Variants in CERS6 observed in about 807,000 individuals in gnomAD.
CERS6 encodes the protein ceramide synthase 6.
CERS6 carries 26 observed loss-of-function variants against 56.8 expected under a neutral mutation model. The ratio of observed to expected loss-of-function variants is 0.46; its 90% CI spans 0.34 to 0.63. The LOEUF (loss-of-function observed/expected upper bound fraction) is 0.63, where lower values mean the gene tolerates loss of function less well. Among genes scored for constraint, CERS6 ranks in the 30% least tolerant of loss-of-function variants. The pLI, the probability that CERS6 is intolerant of heterozygous loss-of-function variation, is 0.01. For missense variants in CERS6, 415 were observed against 467.5 expected (o/e 0.89, Z 1.04); for synonymous variants, 164 against 173.3 (o/e 0.95, Z 0.42).
intron 4 of CERS6, among the ~76,000 whole-genome samples, chr2:168,681,599 G>A (rs1422235148): frequency 2.6e-5 from 4 of 152,118 alleles, no homozygotes; most frequent in Non-Finnish European, 5.9e-5. Flanking sequence ...AGGGTAATTA[G>A]CCATCTATCA....
At chr2:168,609,494 C>T (rs772141358) in intron 3 of CERS6, among the ~76,000 whole-genome samples, 7 of 152,102 alleles carry the variant, frequency 4.6e-5, no homozygotes, top group African/African-American at 1.7e-4. Context: ...AGAATCTTTT[C>T]GCTCCAAGTC....
intron 3 of CERS6, among the ~76,000 whole-genome samples, chr2:168,573,283 C>T (rs775293970): frequency 2.0e-5 from 3 of 152,164 alleles, no homozygotes; most frequent in Non-Finnish European, 4.4e-5. Flanking sequence ...ACAGGAGCAT[C>T]TAGCTTTCCC....
At chr2:168,552,058 A>G (rs1695582562) in intron 2 of CERS6, among the ~76,000 whole-genome samples, 1 of 152,130 alleles carries the variant, frequency 6.6e-6, no homozygotes, top group Admixed American at 6.5e-5. Flanking sequence ...AATAAAATTA[A>G]CTTTTGGTAT....
At chr2:168,715,932 T>C (rs1206304689) in intron 7 of CERS6, among the ~76,000 whole-genome samples, 1 of 152,128 alleles carries the variant, frequency 6.6e-6, no homozygotes, top group Non-Finnish European at 1.5e-5. Context: ...CTGATTTTTT[T>C]TTCCTTTAGG....
intron 8 of CERS6, among the ~76,000 whole-genome samples, chr2:168,725,097 C>T (rs1244189179): frequency 6.6e-6 from 1 of 152,238 alleles, no homozygotes; most frequent in Admixed American, 6.5e-5. Context: ...AGTGGGCTGG[C>T]ACTGCTGGGA....
chr2:168,774,797 C>T lies in CERS6; in HGVS notation c.*5135C>T, dbSNP rs1684960755. 4 of 152,156 alleles carry T rather than the reference C, an allele frequency of 2.6e-5. No homozygotes were observed. The highest frequency in any genetic ancestry group is 2.6e-4 in the Admixed American group (4 of 15,280). The allele number at this position is 152,156 out of a possible 1,614,324, so 9.4% of individuals were successfully genotyped here. On this transcript the variant is annotated 3_prime_UTR_variant, in exon 10 of 10. Transcript: ENST00000305747. ...CCCCTAAGCTCATGATTTTCATCAA[C>T]TCTTTGCCCACATAGTCATTTACCT...
At chr2:168,549,589 C>G (rs1423789180) in intron 2 of CERS6, among the ~76,000 whole-genome samples, 1 of 152,180 alleles carries the variant, frequency 6.6e-6, no homozygotes, top group African/African-American at 2.4e-5. Context: ...GAGCAGAGAT[C>G]ACGCCACTGC....
At chr2:168,746,238 C>G (rs7584527) in intron 8 of CERS6, among the ~76,000 whole-genome samples, 111,489 of 152,164 alleles carry the variant, frequency 0.73, 41,438 homozygotes, top group African/African-American at 0.83. Context: ...TTAGCAACCT[C>G]ACTTATAGCC....
chr2:168,511,972 A>T (rs1574033706), intron 1 of CERS6, among the ~76,000 whole-genome samples: 1 of 152,168 alleles, frequency 6.6e-6, no homozygotes, highest in African/African-American at 2.4e-5. Flanking sequence ...ACACACACAC[A>T]CACACACAGG....
At chr2:168,500,653 A>T (rs1400506384) in intron 1 of CERS6, among the ~76,000 whole-genome samples, 1 of 152,214 alleles carries the variant, frequency 6.6e-6, no homozygotes. Context: ...GGAAACAAAC[A>T]TTAAAACTAT....
intron 1 of CERS6, among the ~76,000 whole-genome samples, chr2:168,537,579 A>G (rs751458146): frequency 1.3e-5 from 2 of 152,128 alleles, no homozygotes; most frequent in Non-Finnish European, 1.5e-5. Context: ...CATGTTTTGC[A>G]TATTTTATGT....
intron 3 of CERS6, among the ~76,000 whole-genome samples, chr2:168,608,332 G>A (rs78375251): frequency 0.019 from 2,866 of 152,128 alleles, 128 homozygotes; most frequent in East Asian, 0.18. Flanking sequence ...GTGAACATTC[G>A]GATAGAAGCC....
At chr2:168,564,401 ATTTT>A (rs564313861) in intron 3 of CERS6, among the ~76,000 whole-genome samples, 3 of 151,766 alleles carry the variant, frequency 2.0e-5, no homozygotes. Flanking sequence ...ATGTCTCCTT[ATTTT>A]TTTTATCTTG....
intron 2 of CERS6, among the ~76,000 whole-genome samples, chr2:168,559,375 T>C (rs1277753865): frequency 6.6e-6 from 1 of 152,144 alleles, no homozygotes; most frequent in Non-Finnish European, 1.5e-5. Context: ...ACAACAAATA[T>C]TTATTTCTCA....
At chr2:168,621,453 A>G (rs909980731) in intron 3 of CERS6, among the ~76,000 whole-genome samples, 2 of 152,196 alleles carry the variant, frequency 1.3e-5, no homozygotes, top group South Asian at 2.1e-4. Context: ...TAAGCTGACA[A>G]TTATAAGATT....
chr2:168,523,203 C>T (rs1695013151), intron 1 of CERS6, among the ~76,000 whole-genome samples: 1 of 152,130 alleles, frequency 6.6e-6, no homozygotes, highest in African/African-American at 2.4e-5. Context: ...TTAAGCTTGT[C>T]ACCTCTTGAT....
chr2:168,567,216 C>T (rs886351278), intron 3 of CERS6, among the ~76,000 whole-genome samples: 5 of 152,066 alleles, frequency 3.3e-5, no homozygotes, highest in African/African-American at 7.2e-5. Context: ...TGGAGAACAA[C>T]TTCTGTAATT....
chr2:168,588,613 G>GTA (rs1486497721), intron 3 of CERS6, among the ~76,000 whole-genome samples: 1 of 152,114 alleles, frequency 6.6e-6, no homozygotes, highest in Non-Finnish European at 1.5e-5. Flanking sequence ...ATATTCCATT[G>GTA]TATGTATATA....
At chr2:168,640,565 T>C (rs192524786) in intron 4 of CERS6, among the ~76,000 whole-genome samples, 14 of 152,330 alleles carry the variant, frequency 9.2e-5, no homozygotes, top group African/African-American at 2.6e-4. Flanking sequence ...TTTTCCCTGG[T>C]ATCATCAGTA....
Sources: gnomAD v4.1 joint callset for allele counts (sites outside exome capture counted in the v4.1 genomes callset) on GRCh38, gnomAD v4.1.1 for gene constraint, MANE v1.5 for transcripts, NCBI Gene and HGNC (gene_info 2026-07-23, HGNC 2026-07-21) for gene names.